ZNF665: variants seen among roughly 807,000 people sequenced by gnomAD.
The protein encoded by ZNF665 is zinc finger protein 665.
ZNF665 carries 6 observed loss-of-function variants against 7.9 expected under a neutral mutation model. That is an observed-to-expected ratio of 0.76 (90% confidence interval 0.42 to 1.50). ZNF665 has a LOEUF of 1.50. Ranked by LOEUF, ZNF665 falls within the 40% of genes most tolerant of loss-of-function variation. The pLI is 0.01. For synonymous variants in ZNF665, 242 were observed against 274.5 expected, an observed-to-expected ratio of 0.88 and a Z score of 1.17; for missense variants, 819 against 806.7, an observed-to-expected ratio of 1.02 and a Z score of -0.18.
At chr19:53,171,524 A>ATATATATATATATTTTT (rs372855271) in intron 3 of ZNF665, among the ~76,000 whole-genome samples, 9 of 69,324 alleles carry the variant, frequency 1.3e-4, no homozygotes, top group East Asian at 6.5e-4. Flanking sequence ...ATATATATAT[A>ATATATATATATATTTTT]TTTTTTTTTT....
intron 2 of ZNF665, among the ~76,000 whole-genome samples, chr19:53,176,018 G>C (rs765695573): frequency 6.6e-6 from 1 of 151,966 alleles, no homozygotes; most frequent in Non-Finnish European, 1.5e-5. Context: ...AAAATTAGCC[G>C]GGCATGGTGG....
At chr19:53,182,712 G>A in intron 2 of ZNF665, 172 bp downstream of exon 2, 1 of 1,244,054 alleles carries the variant, frequency 8.0e-7, no homozygotes, top group Non-Finnish European at 1.2e-6. Context: ...CATGTCACTG[G>A]GTCACCAGAG....
At position 53,182,941 on chromosome 19, in the gene ZNF665, T is replaced by C. The variant is rs771757434; in HGVS notation, c.-43A>G. ...TCCTCTTCCTCTTCTTCCAGGGTTC[T>C]ACCTTGGGTAACATGAAAGAGACTT... On this transcript the variant is annotated splice_region_variant and 5_prime_UTR_variant, in exon 2 of 4. Transcript: ENST00000396424. 1.9e-6 allele frequency: 3 copies of C among 1,604,150 alleles called. No homozygotes were observed. The highest frequency in any genetic ancestry group is 3.3e-5 in the Admixed American group (2 of 59,978).
rs186639056 is a variant in ZNF665, at chr19:53,182,636, G to A, written c.15+248C>T. 303 of 829,652 alleles carry A rather than the reference G, an allele frequency of 3.7e-4. 1 individual carries two copies. In the East Asian group the frequency reaches 6.4e-3, roughly 18 times the overall value. 51.4% of individuals were successfully genotyped at this position (829,652 alleles called of 1,614,324 possible). A position where few individuals can be genotyped will look rare whatever the true frequency, so the allele number is the denominator to read the frequency against. ...ACTGACACCACGGGACCCTCACCCC[G>A]TCTCCATCCATGTCGGGGTGTGAGC... On this transcript the variant is annotated intron_variant, in intron 2 of 3. Coordinates refer to ENST00000396424, the MANE Select transcript of ZNF665 (RefSeq NM_024733.5).
At chr19:53,183,406 T>C (rs568495764) in intron 1 of ZNF665, among the ~76,000 whole-genome samples, 1 of 152,308 alleles carries the variant, frequency 6.6e-6, no homozygotes, top group East Asian at 1.9e-4. Flanking sequence ...TCACTGAAGC[T>C]GGGCTGCAAC....
intron 3 of ZNF665, among the ~76,000 whole-genome samples, chr19:53,167,104 C>T (rs62115533): frequency 2.1e-4 from 32 of 151,846 alleles, no homozygotes; most frequent in African/African-American, 7.2e-4. Flanking sequence ...CAGGTTCAAG[C>T]GATTCTCCTG....
chr19:53,192,475 T>C (rs1007317950), intron 1 of ZNF665, among the ~76,000 whole-genome samples: 2 of 152,158 alleles, frequency 1.3e-5, no homozygotes, highest in Non-Finnish European at 2.9e-5. Flanking sequence ...CAGCGAGCTT[T>C]TCTCTACATT....
chr19:53,175,931 C>T (rs1009527700), intron 2 of ZNF665, among the ~76,000 whole-genome samples: 3 of 152,104 alleles, frequency 2.0e-5, no homozygotes, highest in Admixed American at 1.3e-4. Flanking sequence ...GAGGCCAAGG[C>T]CAGTGGATCA....
Position 53,180,449 on chromosome 19 carries a change from G to A in ZNF665, c.15+2435C>T, listed in dbSNP as rs557412253. On this transcript the variant is annotated intron_variant, in intron 2 of 3. Transcript: ENST00000396424. ...CTCCATCTCAAAAAAAAAAAAGACA[G>A]TGGAGAACAAATTTAAGGCCACAGA... is the stretch of plus-strand genomic sequence containing the variant. 1.1e-4 allele frequency among the ~76,000 whole-genome samples: 17 copies of A among 151,712 alleles called. No homozygotes were observed. In the East Asian group the frequency reaches 2.9e-3, roughly 26 times the overall value.
chr19:53,190,708 T>C (rs2146896183), intron 1 of ZNF665, among the ~76,000 whole-genome samples: 1 of 152,200 alleles, frequency 6.6e-6, no homozygotes, highest in South Asian at 2.1e-4. Context: ...CCAAGGTGGG[T>C]GGATTACCTG....
At chr19:53,192,511 A>G (rs578254238) in intron 1 of ZNF665, among the ~76,000 whole-genome samples, 56 of 152,186 alleles carry the variant, frequency 3.7e-4, no homozygotes, top group Non-Finnish European at 7.2e-4. Flanking sequence ...CCATCCTGTT[A>G]CTTTCTCAGC....
Position 53,165,472 on chromosome 19 carries a change from G to A in ZNF665, c.1018C>T (p.His340Tyr). The A allele has an allele frequency of 6.2e-7, 1 of 1,612,842 alleles. No individual in the cohort carries two copies. The highest frequency in any genetic ancestry group is 2.2e-5 in the East Asian group (1 of 44,784). ...RSSLTTHQTI[H>Y]TGEKPYKCNE... ...CATTTGTAAGGTTTTTCTCCAGTGT[G>A]GATTGTCTGATGGGTAGTCAGGCTT... Residue 340 changes from histidine (H) to tyrosine (Y), a missense_variant, in exon 4 of 4, where the codon CAC (histidine) becomes TAC (tyrosine). Coordinates refer to ENST00000396424, the MANE Select transcript of ZNF665 (RefSeq NM_024733.5).
Position 53,164,729 on chromosome 19 carries a change from G to A in ZNF665, c.1761C>T (p.Thr587=), listed in dbSNP as rs745753613. Reference sequence around the variant, plus strand: ...TTTCTCCAGTATGGATGACCTGATGGGTAGCTAGGTTTGAATGTACACTAA... The same window carrying A: ...TTTCTCCAGTATGGATGACCTGATGAGTAGCTAGGTTTGAATGTACACTAA... ...KAFSVHSNLA[T]HQVIHTGEKP... is the part of the protein sequence containing the mutation. The change falls in exon 4 of 4, where the codon ACC becomes ACT. Residue 587 remains threonine, a synonymous_variant. Transcript: ENST00000396424. The A allele has an allele frequency of 6.2e-7, 1 of 1,614,072 alleles. No homozygotes were observed. The highest frequency in any genetic ancestry group is 2.2e-5 in the East Asian group (1 of 44,874).
Position 53,164,768 on chromosome 19 carries a change from C to T in ZNF665, c.1722G>A (p.Glu574=), listed in dbSNP as rs2090592761. The T allele has an allele frequency of 1.1e-5, 18 of 1,614,224 alleles. No individual in the cohort carries two copies. Among genetic ancestry groups the T allele is most frequent in the Non-Finnish European group, 1.3e-5 (15 of 1,180,050 alleles). ...AATGTACACTAAATGCTTTGCCGCA[C>T]TCATTACACTTATAAGGTTTCTCAC... The part of the protein sequence containing the change: ...HTGEKPYKCN[E]CGKAFSVHSN... The change falls in exon 4 of 4, where the codon GAG becomes GAA. Residue 574 remains glutamate, a synonymous_variant. Transcript: ENST00000396424.
At chr19:53,173,351 T>C (rs1241021425) in intron 3 of ZNF665, among the ~76,000 whole-genome samples, 2 of 150,448 alleles carry the variant, frequency 1.3e-5, no homozygotes, top group African/African-American at 2.4e-5. Context: ...TGGCCATATA[T>C]CCATCATTTT....
intron 3 of ZNF665, among the ~76,000 whole-genome samples, chr19:53,169,046 C>T (rs2090638233): frequency 6.6e-6 from 1 of 151,916 alleles, no homozygotes; most frequent in African/African-American, 2.4e-5. Flanking sequence ...GCAAAGATTT[C>T]CTAGATATGA....
chr19:53,173,081 C>T lies in ZNF665; in HGVS notation c.142+2364G>A, dbSNP rs569839306. ...CCCATTTATCTGTTTGCTTTTGTTG[C>T]ACAAGCTTCTGGGCTCAAGGCCAAA... On this transcript the variant is annotated intron_variant, in intron 3 of 3. Transcript: ENST00000396424. Among the ~76,000 whole-genome samples, 50 of 152,236 alleles carry T rather than the reference C, an allele frequency of 3.3e-4. No homozygotes were observed. The South Asian group carries it at 9.7e-3, about 30-fold the overall frequency.
rs2146836273 is a variant in ZNF665 at position 53,166,130 on chromosome 19, G to A, written c.360C>T (p.Leu120=). 6.2e-7 allele frequency: 1 copy of A among 1,613,800 alleles called. No individual in the cohort carries two copies. Among genetic ancestry groups the A allele is most frequent in the East Asian group, 2.2e-5 (1 of 44,872 alleles). The change falls in exon 4 of 4, where the codon CTC becomes CTT. Residue 120 remains leucine (L), a synonymous_variant. Coordinates refer to ENST00000396424, the MANE Select transcript of ZNF665 (RefSeq NM_024733.5). ...TATCACGTTGAGCTCTTCTACCAGG[G>A]AGATTTTCTTTTTGCAACATAAGTA... is the stretch of plus-strand genomic sequence containing the variant. ...KTVLMLQKEN[L]PGRRAQRDRR...
chr19:53,182,135 A>G (rs1273806196), intron 2 of ZNF665: 1 of 153,268 alleles, frequency 6.5e-6, no homozygotes, highest in African/African-American at 2.4e-5. Flanking sequence ...TGGGAGGCCG[A>G]GGCGGGTGGA....
Sources: gnomAD v4.1 joint callset for allele counts (sites outside exome capture counted in the v4.1 genomes callset) on GRCh38, gnomAD v4.1.1 for gene constraint, MANE v1.5 for transcripts, NCBI Gene and HGNC (gene_info 2026-07-23, HGNC 2026-07-21) for gene names.